Variants in TXNRD1 observed in about 807,000 individuals in gnomAD.
TXNRD1 encodes the protein thioredoxin reductase 1, also known as thioredoxin reductase 1, cytoplasmic.
A neutral mutation model predicts 80.3 loss-of-function variants in TXNRD1; 57 were observed. The observed-to-expected ratio is 0.71, with a 90% CI of 0.57 to 0.89. TXNRD1 has a LOEUF of 0.89. TXNRD1 is among the 40% of genes least tolerant of loss of function. The pLI is 0.00. For missense variants in TXNRD1, 730 were observed against 803.0 expected (o/e 0.91, Z 1.10); for synonymous variants, 291 against 285.2 (o/e 1.02, Z -0.20).
chr12:104,317,706 C>T (rs538392206), intron 7 of TXNRD1, among the ~76,000 whole-genome samples: 2 of 152,326 alleles, frequency 1.3e-5, no homozygotes, highest in South Asian at 4.1e-4. Flanking sequence ...CCTGGAAGCC[C>T]TCTCCTATAG....
intron 3 of TXNRD1, among the ~76,000 whole-genome samples, chr12:104,288,242 G>A (rs2034042520): frequency 6.6e-6 from 1 of 152,162 alleles, no homozygotes; most frequent in Admixed American, 6.5e-5. Flanking sequence ...ACCCGCCTCG[G>A]CCTCCCAAAT....
chr12:104,220,683 C>G (rs1394936667), intron 1 of TXNRD1, among the ~76,000 whole-genome samples: 1 of 149,256 alleles, frequency 6.7e-6, no homozygotes, highest in Non-Finnish European at 1.5e-5. Flanking sequence ...TGAGGTCGTG[C>G]CATTGCACTC....
chr12:104,294,236 C>CCG (rs2034347287), intron 4 of TXNRD1, among the ~76,000 whole-genome samples: 1 of 67,856 alleles, frequency 1.5e-5, no homozygotes, highest in Non-Finnish European at 3.3e-5. Flanking sequence ...GGGAAAGGCC[C>CCG]CCCCCCCCGC....
At chr12:104,277,760 A>T (rs2033785751) in intron 3 of TXNRD1, among the ~76,000 whole-genome samples, 1 of 151,476 alleles carries the variant, frequency 6.6e-6, no homozygotes, top group Admixed American at 6.6e-5. Flanking sequence ...ACCGGTTTTT[A>T]GCCTGTTCCT....
chr12:104,265,192 C>A, intron 3 of TXNRD1: 1 of 918,156 alleles, frequency 1.1e-6, no homozygotes, highest in South Asian at 1.5e-5. Context: ...GTGGAGGTTG[C>A]AGTGAGCTGA....
intron 8 of TXNRD1, 115 bp downstream of exon 8, chr12:104,319,170 T>TGG: frequency 7.9e-7 from 1 of 1,266,940 alleles, no homozygotes; most frequent in Non-Finnish European, 1.1e-6. Flanking sequence ...TGACCCAGAC[T>TGG]ATCCAGTTTG....
chr12:104,307,702 G>A (rs1007998821), intron 4 of TXNRD1, among the ~76,000 whole-genome samples: 1 of 152,206 alleles, frequency 6.6e-6, no homozygotes, highest in Non-Finnish European at 1.5e-5. Flanking sequence ...AGTCAGGATT[G>A]CTTATTCCAA....
At chr12:104,326,529 G>C in intron 12 of TXNRD1, 106 bp downstream of exon 12, 1 of 657,790 alleles carries the variant, frequency 1.5e-6, no homozygotes, top group Non-Finnish European at 2.4e-6. Flanking sequence ...ACAATGGCAC[G>C]ATCTCGGCTC....
At chr12:104,313,452 T>C in intron 6 of TXNRD1, 135 bp downstream of exon 6, 1 of 640,660 alleles carries the variant, frequency 1.6e-6, no homozygotes, top group Middle Eastern at 4.0e-4. Context: ...AACATATATA[T>C]CTTTTATTTG....
intron 1 of TXNRD1, among the ~76,000 whole-genome samples, chr12:104,248,222 CAT>C (rs936281080): frequency 2.0e-5 from 3 of 151,748 alleles, no homozygotes; most frequent in African/African-American, 4.9e-5. Flanking sequence ...AAAGTATATG[CAT>C]ATATGTGTGT....
At chr12:104,322,682 T>A (rs924302824) in intron 10 of TXNRD1, among the ~76,000 whole-genome samples, 3 of 152,176 alleles carry the variant, frequency 2.0e-5, no homozygotes, top group Admixed American at 6.5e-5. Flanking sequence ...GCCTGGCCTG[T>A]AGCTGTTTTT....
chr12:104,239,076 G>T (rs1199558666), intron 1 of TXNRD1, among the ~76,000 whole-genome samples: 1 of 152,072 alleles, frequency 6.6e-6, no homozygotes, highest in Non-Finnish European at 1.5e-5. Flanking sequence ...GAATTGGAAA[G>T]TATCCCCTCC....
chr12:104,224,374 G>T (rs1370395418), intron 1 of TXNRD1, among the ~76,000 whole-genome samples: 2 of 151,890 alleles, frequency 1.3e-5, no homozygotes, highest in Non-Finnish European at 2.9e-5. Flanking sequence ...CTGGGGGTAA[G>T]GATGTCTTGT....
At chr12:104,216,397 C>G (rs2032212014) in intron 1 of TXNRD1, among the ~76,000 whole-genome samples, 1 of 152,200 alleles carries the variant, frequency 6.6e-6, no homozygotes, top group Non-Finnish European at 1.5e-5. Context: ...CCTTCCCGGC[C>G]CCCTTTCTCC....
At chr12:104,264,173 A>T (rs1372388248) in intron 3 of TXNRD1, among the ~76,000 whole-genome samples, 1 of 152,236 alleles carries the variant, frequency 6.6e-6, no homozygotes, top group African/African-American at 2.4e-5. Context: ...AAAGATGAGT[A>T]AGGCACAACC....
chr12:104,313,910 G>A (rs1358857454), intron 6 of TXNRD1, among the ~76,000 whole-genome samples: 5 of 152,010 alleles, frequency 3.3e-5, no homozygotes, highest in Admixed American at 2.6e-4. Context: ...TAGAGAGGAA[G>A]TGGATAAAGG....
chr12:104,218,470 C>T (rs1290989378), intron 1 of TXNRD1, among the ~76,000 whole-genome samples: 1 of 152,136 alleles, frequency 6.6e-6, no homozygotes, highest in Non-Finnish European at 1.5e-5. Context: ...TCTCTTACCC[C>T]CATACCAAGG....
At chr12:104,299,036 A>T (rs11111984) in intron 4 of TXNRD1, among the ~76,000 whole-genome samples, 74,080 of 152,060 alleles carry the variant, frequency 0.49, 18,528 homozygotes, top group East Asian at 0.62. Flanking sequence ...GAACCAGCAT[A>T]TATGGAAAGT....
At chr12:104,295,650 C>T (rs2034410936) in intron 4 of TXNRD1, among the ~76,000 whole-genome samples, 2 of 152,204 alleles carry the variant, frequency 1.3e-5, no homozygotes, top group South Asian at 4.1e-4. Flanking sequence ...TATTTCAACA[C>T]CTGTCTTCTC....
Sources: gnomAD v4.1 joint callset for allele counts (sites outside exome capture counted in the v4.1 genomes callset) on GRCh38, gnomAD v4.1.1 for gene constraint, MANE v1.5 for transcripts, NCBI Gene and HGNC (gene_info 2026-07-23, HGNC 2026-07-21) for gene names.